Variants in CAPRIN2 observed in about 807,000 individuals in gnomAD.
CAPRIN2 encodes caprin-2.
A neutral mutation model predicts 130.4 loss-of-function variants in CAPRIN2; 66 were observed. The observed-to-expected ratio is 0.51, with a 90% CI of 0.42 to 0.62. CAPRIN2 has a LOEUF of 0.62. CAPRIN2 is among the 20% of genes least tolerant of loss of function. The pLI is 0.00. For synonymous variants in CAPRIN2, 471 were observed against 444.1 expected, an observed-to-expected ratio of 1.06 and a Z score of -0.76; for missense variants, 1,185 against 1,246.6, an observed-to-expected ratio of 0.95 and a Z score of 0.74.
At chr12:30,717,546 C>A (rs577379490) in intron 12 of CAPRIN2, among the ~76,000 whole-genome samples, 12 of 151,784 alleles carry the variant, frequency 7.9e-5, no homozygotes, top group African/African-American at 2.7e-4. Flanking sequence ...GAATTGTATA[C>A]TTTAAAAAGA....
chr12:30,724,588 T>G lies in CAPRIN2; in HGVS notation c.1906-137A>C, dbSNP rs577526550. On this transcript the variant is annotated intron_variant, in intron 9 of 16. Transcript: ENST00000298892. ...CTAGCTAAAGCTATAGGTATCTAGC[T>G]AATCACTGTCTCAGGATGCCAAAAC... is the stretch of plus-strand genomic sequence containing the variant. 35 of 601,092 alleles carry G rather than the reference T, an allele frequency of 5.8e-5. No individual in the cohort carries two copies. In the African/African-American group the frequency reaches 6.1e-4, roughly 11 times the overall value. 37.2% of individuals were successfully genotyped at this position (601,092 alleles called of 1,614,324 possible).
At chr12:30,724,006 T>C (rs1460741019) in intron 10 of CAPRIN2, among the ~76,000 whole-genome samples, 1 of 152,240 alleles carries the variant, frequency 6.6e-6, no homozygotes, top group Non-Finnish European at 1.5e-5. Context: ...CTACACTTCA[T>C]TGTGGTAATC....
chr12:30,717,557 T>C (rs2058032405), intron 12 of CAPRIN2, among the ~76,000 whole-genome samples: 1 of 151,982 alleles, frequency 6.6e-6, no homozygotes, highest in South Asian at 2.1e-4. Context: ...TTTAAAAAGA[T>C]TAAAATGGTA....
chr12:30,730,275 T>C, exon 7 of CAPRIN2: 2 of 1,608,428 alleles, frequency 1.2e-6, no homozygotes, highest in South Asian at 1.1e-5. Context: ...CAAATTCCAT[T>C]AGAGACTCTG....
At position 30,711,551 on chromosome 12, in the gene CAPRIN2, G is replaced by T; in HGVS notation, c.2665+15C>A. 6.2e-7 allele frequency: 1 copy of T among 1,600,568 alleles called. No homozygotes were observed. Among genetic ancestry groups the T allele is most frequent in the Non-Finnish European group, 8.6e-7 (1 of 1,167,666 alleles). ...ATGTGCTGGGTAAGAAAACTATTCA[G>T]CTAATTACCCTTACCTCTCGAATTT... On this transcript the variant is annotated intron_variant, in intron 16 of 16. Coordinates refer to ENST00000298892, the Ensembl canonical transcript of CAPRIN2.
chr12:30,711,159 C>T (rs1219290076), intron 16 of CAPRIN2, among the ~76,000 whole-genome samples: 1 of 152,126 alleles, frequency 6.6e-6, no homozygotes, highest in African/African-American at 2.4e-5. Context: ...TATAACTATT[C>T]TGCTATTGTC....
intron 9 of CAPRIN2, 97 bp from the exon 11 acceptor site, chr12:30,724,548 G>C: frequency 3.7e-6 from 3 of 802,906 alleles, no homozygotes; most frequent in Non-Finnish European, 6.3e-6. Context: ...TAGTCTATTA[G>C]CTACACATAA....
At position 30,709,815 on chromosome 12, in the gene CAPRIN2, C is replaced by G; in HGVS notation, c.*87G>C. On this transcript the variant is annotated 3_prime_UTR_variant, in exon 17 of 17. Coordinates refer to ENST00000298892, the Ensembl canonical transcript of CAPRIN2. ...CTAGGAACAAAAACATTTTCCTAAACCAATCAGTCATGAGGGCAAAGACTA... is the reference window on the plus strand; with the variant it reads ...CTAGGAACAAAAACATTTTCCTAAAGCAATCAGTCATGAGGGCAAAGACTA... 3.5e-6 allele frequency: 5 copies of G among 1,445,332 alleles called. No individual in the cohort carries two copies. The South Asian group carries it at 7.2e-5, about 21-fold the overall frequency. The allele number at this position is 1,445,332 out of a possible 1,614,324, so 89.5% of individuals were successfully genotyped here. A position where few individuals can be genotyped will look rare whatever the true frequency, so the allele number is the denominator to read the frequency against.
chr12:30,719,010 T>C, intron 12 of CAPRIN2, 69 bp downstream of exon 14: 1 of 1,511,354 alleles, frequency 6.6e-7, no homozygotes. Flanking sequence ...ATCCAATAAT[T>C]ATGTAAGAGA....
At chr12:30,745,030 G>A (rs374168229) in intron 2 of CAPRIN2, among the ~76,000 whole-genome samples, 7 of 152,192 alleles carry the variant, frequency 4.6e-5, no homozygotes, top group South Asian at 2.1e-4. Context: ...ACTAGGAAGC[G>A]TATGTAAAGT....
intron 1 of CAPRIN2, among the ~76,000 whole-genome samples, chr12:30,752,883 A>G (rs1215028572): frequency 6.6e-6 from 1 of 152,218 alleles, no homozygotes; most frequent in Non-Finnish European, 1.5e-5. Flanking sequence ...GCTTTCACCT[A>G]GCAATCTTAA....
chr12:30,720,719 A>G (rs1474712516), intron 12 of CAPRIN2, 92 bp downstream of exon 13: 9 of 763,326 alleles, frequency 1.2e-5, no homozygotes, highest in Middle Eastern at 6.8e-4. Flanking sequence ...TAAATGTTAC[A>G]TCATTCAACT....
chr12:30,716,753 T>C, intron 12 of CAPRIN2, 77 bp from the exon 15 acceptor site: 1 of 1,349,728 alleles, frequency 7.4e-7, no homozygotes, highest in Non-Finnish European at 1.0e-6. Flanking sequence ...AGCAAAATTG[T>C]ACATTCAAAA....
At chr12:30,753,866 TAGGG>T (rs1414027885) in exon 1 of CAPRIN2, 8 of 1,186,358 alleles carry the variant, frequency 6.7e-6, no homozygotes, top group South Asian at 6.0e-5. Flanking sequence ...ATTTTCCACA[TAGGG>T]AGGAAGAACT....
At chr12:30,720,790 T>C (rs929820330) in intron 12 of CAPRIN2, 21 bp downstream of exon 13, 4 of 1,388,176 alleles carry the variant, frequency 2.9e-6, no homozygotes, top group Non-Finnish European at 4.1e-6. Flanking sequence ...ACAAAAGAAA[T>C]TAAGACAATT....
At position 30,753,593 on chromosome 12, in the gene CAPRIN2, C is replaced by T. The variant is rs777790225; in HGVS notation, c.171G>A (p.Met57Ile). The T allele has an allele frequency of 3.7e-6, 6 of 1,613,990 alleles. No homozygotes were observed. In the African/African-American group the frequency reaches 8.0e-5, roughly 22 times the overall value. ...CAAAAGGGGATGAAAAGAGTTGCACCATTGAAACAGATGAGGCTGAAGGAG... is the reference window on the plus strand; with the variant it reads ...CAAAAGGGGATGAAAAGAGTTGCACTATTGAAACAGATGAGGCTGAAGGAG... Residue 57 changes from methionine (M) to isoleucine (I), a missense_variant, in exon 1 of 17, where the codon ATG (methionine) becomes ATA (isoleucine). Around this residue, in one of 2 missense-constraint regions of CAPRIN2, gnomAD observed 1,104 missense variants for 1,104.3 expected, o/e 1.00. Transcript: ENST00000298892.
chr12:30,752,256 C>T lies in CAPRIN2; in HGVS notation c.420+1088G>A, dbSNP rs187491444. Among the ~76,000 whole-genome samples the T allele has an allele frequency of 4.7e-3, 720 of 152,140 alleles. 5 individuals are homozygous for T. Among genetic ancestry groups the T allele is most frequent in the Non-Finnish European group, 8.0e-3 (546 of 68,002 alleles). ...TACTCTAAAAGCATTCTTTAGGTTC[C>T]TCCTGTATTGGCTTTAGTGGAAAAA... On this transcript the variant is annotated intron_variant, in intron 1 of 16. Coordinates refer to ENST00000298892, the Ensembl canonical transcript of CAPRIN2.
chr12:30,716,893 A>C (rs938309720), intron 12 of CAPRIN2, among the ~76,000 whole-genome samples: 1 of 152,244 alleles, frequency 6.6e-6, no homozygotes, highest in Admixed American at 6.5e-5. Context: ...ATAATGCCAT[A>C]AAATTTTATA....
intron 10 of CAPRIN2, among the ~76,000 whole-genome samples, chr12:30,723,652 T>A (rs1010344308): frequency 6.6e-6 from 1 of 151,946 alleles, no homozygotes; most frequent in African/African-American, 2.4e-5. Context: ...AGTAATTAAC[T>A]GATAAACTTA....
Sources: gnomAD v4.1 joint callset for allele counts (sites outside exome capture counted in the v4.1 genomes callset) on GRCh38, gnomAD v4.1.1 for gene constraint, gnomAD v4.1.1 regional missense constraint, MANE v1.5 for transcripts, NCBI Gene and HGNC (gene_info 2026-07-23, HGNC 2026-07-21) for gene names.